The following KLHL3 variants were observed in gnomAD, a reference collection of about 807,000 sequenced individuals.
KLHL3 encodes the protein kelch-like protein 3.
A neutral mutation model predicts 70.5 loss-of-function variants in KLHL3; 19 were observed. The ratio of observed to expected loss-of-function variants is 0.27; its 90% CI spans 0.19 to 0.40. The LOEUF is 0.40. Among genes scored for constraint, KLHL3 ranks in the 10% least tolerant of loss-of-function variants. The pLI is 1.00. For synonymous variants in KLHL3, 258 were observed against 290.3 expected, an observed-to-expected ratio of 0.89 and a Z score of 1.13; for missense variants, 512 against 771.1, an observed-to-expected ratio of 0.66 and a Z score of 3.98.
chr5:137,672,837 TGGCCA>T (rs1461326347), intron 6 of KLHL3: 2 of 152,252 alleles, frequency 1.3e-5, no homozygotes, highest in Non-Finnish European at 2.9e-5. Flanking sequence ...AGGATGTTCA[TGGCCA>T]GAGCTGAACT....
intron 5 of KLHL3, among the ~76,000 whole-genome samples, chr5:137,685,624 C>T (rs78451351): frequency 2.0e-3 from 301 of 152,236 alleles, no homozygotes; most frequent in Middle Eastern, 6.8e-3. Flanking sequence ...ATGTTTCAAA[C>T]AATGGTCTAG....
intron 5 of KLHL3, among the ~76,000 whole-genome samples, chr5:137,689,182 C>T (rs1028929851): frequency 1.3e-5 from 2 of 152,194 alleles, no homozygotes; most frequent in African/African-American, 2.4e-5. Context: ...CAAAAAACAA[C>T]AGATGCTGGC....
At chr5:137,628,192 G>A (rs774206578) in intron 13 of KLHL3, 105 bp downstream of exon 13, 143 of 1,395,288 alleles carry the variant, frequency 1.0e-4, no homozygotes, top group Non-Finnish European at 1.2e-4. Flanking sequence ...CAGGATATAC[G>A]CTCAGCTCCA....
In KLHL3 at chr5:137,639,876, G is replaced by A. The variant is rs753024881; in HGVS notation, c.1005C>T (p.Ser335=). ...DRWDQIAELP[S]RRCRAGVVFM... ...GCTGCTCACCTGCTCTGCATCTTCT[G>A]GAAGGAAGCTCAGCAATCTGATCCC... is the stretch of plus-strand genomic sequence containing the variant. Residue 335 remains serine (S), a synonymous_variant, in exon 9 of 15, where the codon TCC becomes TCT. Coordinates refer to ENST00000309755, the MANE Select transcript of KLHL3 (RefSeq NM_017415.3). The surrounding 1 kb of genome is among the most constrained non-coding windows in gnomAD (Gnocchi z 5.0). The A allele has an allele frequency of 6.2e-7, 1 of 1,613,832 alleles. No individual in the cohort carries two copies. Among genetic ancestry groups the A allele is most frequent in the Non-Finnish European group, 8.5e-7 (1 of 1,179,730 alleles).
At chr5:137,669,965 C>T (rs1180217075) in intron 6 of KLHL3, among the ~76,000 whole-genome samples, 1 of 152,098 alleles carries the variant, frequency 6.6e-6, no homozygotes, top group African/African-American at 2.4e-5. Context: ...AGGCCACAGG[C>T]TCCTGTGGAC....
rs1339201850 is a variant in KLHL3, at chr5:137,732,302, TG to T, written c.14+3330del. On this transcript the variant is annotated intron_variant, in intron 1 of 14. Transcript: ENST00000309755. Reference sequence around the variant, plus strand: ...ACAGTGATTCTCCCATGGAGGGAACTGGGGAAGACTTAGCATCATAAGGTCC... The same window carrying T: ...ACAGTGATTCTCCCATGGAGGGAACTGGGAAGACTTAGCATCATAAGGTCC... Among the ~76,000 whole-genome samples, 4 of 152,048 alleles carry T rather than the reference TG, an allele frequency of 2.6e-5. No homozygotes were observed. The South Asian group carries it at 6.2e-4, about 24-fold the overall frequency.
intron 5 of KLHL3, among the ~76,000 whole-genome samples, chr5:137,685,189 T>C (rs574562607): frequency 5.9e-5 from 9 of 152,352 alleles, no homozygotes; most frequent in Middle Eastern, 3.4e-3. Flanking sequence ...ACAACTATGC[T>C]ACTAAGATTG....
chr5:137,699,486 TGGATGCAGGGTG>T (rs1040136591), intron 3 of KLHL3, among the ~76,000 whole-genome samples: 2 of 152,098 alleles, frequency 1.3e-5, no homozygotes, highest in Non-Finnish European at 2.9e-5. Flanking sequence ...AACGAAATTT[TGGATGCAGGGTG>T]GAAGCTAGAT....
chr5:137,734,505 A>G (rs1384938987), intron 1 of KLHL3, among the ~76,000 whole-genome samples: 1 of 152,200 alleles, frequency 6.6e-6, no homozygotes, highest in African/African-American at 2.4e-5. Context: ...TAGGGTCTAG[A>G]GATGTTTAAT....
chr5:137,644,379 T>G (rs1360130476), intron 8 of KLHL3, among the ~76,000 whole-genome samples: 2 of 152,196 alleles, frequency 1.3e-5, no homozygotes, highest in Non-Finnish European at 2.9e-5. Flanking sequence ...CTTTTTATAG[T>G]TGAATAGTAT....
rs752714400 is a variant in KLHL3 at position 137,634,018 on chromosome 5, C to A, written c.1450+19G>T. The A allele has an allele frequency of 4.3e-5, 70 of 1,613,926 alleles. No individual in the cohort carries two copies. The highest frequency in any genetic ancestry group is 4.5e-5 in the Non-Finnish European group (53 of 1,180,028). On this transcript the variant is annotated intron_variant, in intron 12 of 14. Coordinates refer to ENST00000309755, the MANE Select transcript of KLHL3 (RefSeq NM_017415.3). ...GTGAGCAAATCAGACACAGCCAGCA[C>A]CCCGAGGTTCTCCCATACCTGCGCC...
At chr5:137,704,272 C>A (rs1175178144) in intron 3 of KLHL3, among the ~76,000 whole-genome samples, 1 of 152,038 alleles carries the variant, frequency 6.6e-6, no homozygotes, top group Non-Finnish European at 1.5e-5. Flanking sequence ...GTAGTCCCAG[C>A]TACTGGGGAG....
chr5:137,663,910 G>T (rs551416444), intron 6 of KLHL3, among the ~76,000 whole-genome samples: 1 of 152,076 alleles, frequency 6.6e-6, no homozygotes, highest in Non-Finnish European at 1.5e-5. Flanking sequence ...GGGGAAGGAG[G>T]GTCAGGGAAT....
At position 137,639,170 on chromosome 5, in the gene KLHL3, G is replaced by C. The variant is rs1321865217; in HGVS notation, c.1022-20C>G. The C allele has an allele frequency of 6.2e-7, 1 of 1,611,798 alleles. No homozygotes were observed. The highest frequency in any genetic ancestry group is 8.5e-7 in the Non-Finnish European group (1 of 1,178,796). On this transcript the variant is annotated intron_variant, in intron 9 of 14. Transcript: ENST00000309755. This position sits in a 1 kb window ranked among gnomAD's most constrained non-coding sequence, Gnocchi z 5.0. ...CCACACCTGAGGCACAGGAAACCAA[G>C]ACATCAAGGTCAGGTCAGGCGCATG...
At chr5:137,703,861 T>C (rs1367361055) in intron 3 of KLHL3, among the ~76,000 whole-genome samples, 2 of 148,224 alleles carry the variant, frequency 1.3e-5, no homozygotes, top group Non-Finnish European at 3.0e-5. Context: ...TCTGTGTCAT[T>C]ACATAGTGAC....
chr5:137,664,616 A>C (rs1438629235), intron 6 of KLHL3, among the ~76,000 whole-genome samples: 1 of 151,702 alleles, frequency 6.6e-6, no homozygotes, highest in African/African-American at 2.4e-5. Flanking sequence ...CAGGAGTTTG[A>C]GACCAGCCTG....
At chr5:137,666,913 A>G (rs539027135) in intron 6 of KLHL3, among the ~76,000 whole-genome samples, 10 of 152,336 alleles carry the variant, frequency 6.6e-5, no homozygotes, top group Admixed American at 2.6e-4. Flanking sequence ...AATACTCTTA[A>G]GCCTTATTAA....
chr5:137,692,557 G>T, intron 4 of KLHL3, 110 bp from the exon 5 acceptor site: 1 of 1,023,780 alleles, frequency 9.8e-7, no homozygotes, highest in Non-Finnish European at 1.5e-6. Context: ...GCTCTCCACT[G>T]CCCGCCAGTA....
At chr5:137,734,776 G>C (rs577060903) in intron 1 of KLHL3, among the ~76,000 whole-genome samples, 25 of 152,262 alleles carry the variant, frequency 1.6e-4, no homozygotes, top group African/African-American at 6.0e-4. Flanking sequence ...AAAGAATGAA[G>C]AGGTTGGCAC....
Sources: gnomAD v4.1 joint callset for allele counts (sites outside exome capture counted in the v4.1 genomes callset) on GRCh38, gnomAD v4.1.1 for gene constraint, Gnocchi (gnomAD v3.1) non-coding constraint, MANE v1.5 for transcripts, NCBI Gene and HGNC (gene_info 2026-07-23, HGNC 2026-07-21) for gene names.